The following H3-3B variants were observed in gnomAD, a reference collection of about 807,000 sequenced individuals.
H3-3B encodes histone H3.3.
Under a neutral mutation model 13.1 loss-of-function variants are expected in H3-3B, and 2 were observed. That is an observed-to-expected ratio of 0.15 (90% CI 0.06 to 0.48). The LOEUF is 0.48. Ranked by LOEUF, H3-3B falls within the 20% of genes least tolerant of loss-of-function variation. The pLI, the probability that H3-3B is intolerant of heterozygous loss-of-function variation, is 0.97. For synonymous variants in H3-3B, 133 were observed against 75.8 expected, an observed-to-expected ratio of 1.76 and a Z score of -3.92; for missense variants, 39 against 186.0, an observed-to-expected ratio of 0.21 and a Z score of 4.60.
rs1419025293 is a variant in H3-3B at position 75,779,202 on chromosome 17, A to C, written c.-10-18T>G. On this transcript the variant is annotated intron_variant, in intron 1 of 3. Coordinates refer to ENST00000254810, the MANE Select transcript of H3-3B (RefSeq NM_005324.5). ...TCTTTCACCTAAGAAAGACGCCCCG[A>C]AGATAAGGCCGCCGCGCTCACCCGG... The C allele has an allele frequency of 5.4e-6, 8 of 1,470,506 alleles. No individual in the cohort carries two copies. The highest frequency in any genetic ancestry group is 7.2e-6 in the Non-Finnish European group (8 of 1,110,822). The allele number at this position is 1,470,506 out of a possible 1,614,324, so 91.1% of individuals were successfully genotyped here.
chr17:75,776,451 A>C lies in H3-3B; in HGVS notation c.*2144T>G, dbSNP rs944964038. 2.6e-5 allele frequency: 4 copies of C among 152,166 alleles called. No individual in the cohort carries two copies. The highest frequency in any genetic ancestry group is 4.4e-5 in the Non-Finnish European group (3 of 68,036). 9.4% of individuals were successfully genotyped at this position (152,166 alleles called of 1,614,324 possible). A position where few individuals can be genotyped will look rare whatever the true frequency, so the allele number is the denominator to read the frequency against. ...AGAAAATCTTAACTTCAAAAATTTT[A>C]TTTTAGTCTCATCCATCAAGGGCAT... On this transcript the variant is annotated 3_prime_UTR_variant, in exon 4 of 4. Transcript: ENST00000254810.
At position 75,779,693 on chromosome 17, in the gene H3-3B, G is replaced by C. The variant is rs955837608; in HGVS notation, c.-47C>G. 6.4e-6 allele frequency: 1 copy of C among 157,320 alleles called. No homozygotes were observed. Among genetic ancestry groups the C allele is most frequent in the African/African-American group, 2.4e-5 (1 of 41,478 alleles). 9.7% of individuals were successfully genotyped at this position (157,320 alleles called of 1,614,324 possible). A position where few individuals can be genotyped will look rare whatever the true frequency, so the allele number is the denominator to read the frequency against. ...GTTTTAGGCCACTTCTCCGACCGCCGCGCCGCTTCCGCTGCCCGAGGAAGA... is the reference window on the plus strand; with the variant it reads ...GTTTTAGGCCACTTCTCCGACCGCCCCGCCGCTTCCGCTGCCCGAGGAAGA... On this transcript the variant is annotated 5_prime_UTR_variant, in exon 1 of 4. Coordinates refer to ENST00000254810, the MANE Select transcript of H3-3B (RefSeq NM_005324.5).
intron 1 of H3-3B, 48 bp from the exon 2 acceptor site, chr17:75,779,232 C>A: frequency 7.0e-7 from 1 of 1,426,580 alleles, no homozygotes; most frequent in Non-Finnish European, 9.2e-7. Flanking sequence ...ACCCGGGCCG[C>A]CCCCCAGGGC....
Position 75,778,659 on chromosome 17 carries a change from T to C in H3-3B, c.347A>G (p.Lys116Arg), listed in dbSNP as rs552409004. The change falls in exon 4 of 4, where the codon AAG becomes AGG. Residue 116 changes from lysine (K) to arginine (R), a missense_variant. Lys to Arg is a conservative substitution (Grantham distance 26). Coordinates refer to ENST00000254810, the MANE Select transcript of H3-3B (RefSeq NM_005324.5). ...EDTNLCAIHA[K>R]RVTIMPKDIQ... ...GTCTTTGGGCATGATGGTGACTCTC[T>C]TAGCGTGGATGGCACACAGGTTGGT... The C allele has an allele frequency of 1.2e-6, 2 of 1,614,232 alleles. No individual in the cohort carries two copies. The highest frequency in any genetic ancestry group is 1.7e-6 in the Non-Finnish European group (2 of 1,180,046).
rs557906001 is a variant in H3-3B, at chr17:75,777,058, C to T, written c.*1537G>A. ...ACTTTAAGCAGTTGCTAACTTCAAA[C>T]GTGGAACGCTTTGATGACTGCTGGC... On this transcript the variant is annotated 3_prime_UTR_variant, in exon 4 of 4. Transcript: ENST00000254810. 25 of 152,318 alleles carry T rather than the reference C, an allele frequency of 1.6e-4. No homozygotes were observed. The highest frequency in any genetic ancestry group is 6.2e-4 in the South Asian group (3 of 4,830). The allele number at this position is 152,318 out of a possible 1,614,324, so 9.4% of individuals were successfully genotyped here.
At position 75,777,675 on chromosome 17, in the gene H3-3B, T is replaced by C. The variant is rs932871613; in HGVS notation, c.*920A>G. The C allele has an allele frequency of 1.3e-5, 2 of 152,372 alleles. No individual in the cohort carries two copies. The highest frequency in any genetic ancestry group is 4.8e-5 in the African/African-American group (2 of 41,430). 9.4% of individuals were successfully genotyped at this position (152,372 alleles called of 1,614,324 possible). On this transcript the variant is annotated 3_prime_UTR_variant, in exon 4 of 4. Transcript: ENST00000254810. ...CCACACCAAGTTTTTATAATACAAA[T>C]GCCACAAGAAAAAGAACTTCGGTAC...
rs2061641500 is a variant in H3-3B, at chr17:75,777,089, T to C, written c.*1506A>G. 1 of 152,242 alleles carries C rather than the reference T, an allele frequency of 6.6e-6. No individual in the cohort carries two copies. The highest frequency in any genetic ancestry group is 6.5e-5 in the Admixed American group (1 of 15,280). 9.4% of individuals were successfully genotyped at this position (152,242 alleles called of 1,614,324 possible). A position where few individuals can be genotyped will look rare whatever the true frequency, so the allele number is the denominator to read the frequency against. On this transcript the variant is annotated 3_prime_UTR_variant, in exon 4 of 4. Coordinates refer to ENST00000254810, the MANE Select transcript of H3-3B (RefSeq NM_005324.5). Reference sequence around the variant, plus strand: ...ACGCTTTGATGACTGCTGGCTCTCATGCTGTCTCACTGACATCCACGTACT... The same window carrying C: ...ACGCTTTGATGACTGCTGGCTCTCACGCTGTCTCACTGACATCCACGTACT...
In H3-3B at chr17:75,778,376, C is replaced by T. The variant is rs2061649365; in HGVS notation, c.*219G>A. ...ATCATGAGAAGCAAGAAGTATCACC[C>T]ATCCCTTCTGCATATTAGCAACTTG... is the stretch of plus-strand genomic sequence containing the variant. On this transcript the variant is annotated 3_prime_UTR_variant, in exon 4 of 4. Coordinates refer to ENST00000254810, the MANE Select transcript of H3-3B (RefSeq NM_005324.5). The T allele has an allele frequency of 1.7e-6, 1 of 583,956 alleles. No individual in the cohort carries two copies. The highest frequency in any genetic ancestry group is 3.0e-6 in the Non-Finnish European group (1 of 336,178). The allele number at this position is 583,956 out of a possible 1,614,324, so 36.2% of individuals were successfully genotyped here.
In H3-3B at chr17:75,777,499, T is replaced by A. The variant is rs915822390; in HGVS notation, c.*1096A>T. On this transcript the variant is annotated 3_prime_UTR_variant, in exon 4 of 4. Transcript: ENST00000254810. ...TATTTGTAAATTTAGTCAACATACA[T>A]AATTGACCTAAAAACTTCAGTAAAT... 6.6e-6 allele frequency: 1 copy of A among 152,620 alleles called. No individual in the cohort carries two copies. The highest frequency in any genetic ancestry group is 2.4e-5 in the African/African-American group (1 of 41,464). 9.5% of individuals were successfully genotyped at this position (152,620 alleles called of 1,614,324 possible). A position where few individuals can be genotyped will look rare whatever the true frequency, so the allele number is the denominator to read the frequency against.
rs763519204 is a variant in H3-3B, at chr17:75,779,026, T to C, written c.128+21A>G. On this transcript the variant is annotated intron_variant, in intron 2 of 3. Coordinates refer to ENST00000254810, the MANE Select transcript of H3-3B (RefSeq NM_005324.5). ...CACAAAGCCGGCCACCGCCGGGCCATTGTTCCCCCGCCCGACCTACCTGTA... is the reference window on the plus strand; with the variant it reads ...CACAAAGCCGGCCACCGCCGGGCCACTGTTCCCCCGCCCGACCTACCTGTA... 32 of 1,609,738 alleles carry C rather than the reference T, an allele frequency of 2.0e-5. No homozygotes were observed. In the Middle Eastern group the frequency reaches 4.9e-4, roughly 25 times the overall value.
rs139372371 is a variant in H3-3B, at chr17:75,778,706, G to A, written c.300C>T (p.Tyr100=). 233 of 1,614,148 alleles carry A rather than the reference G, an allele frequency of 1.4e-4. No homozygotes were observed. Among genetic ancestry groups the A allele is most frequent in the Non-Finnish European group, 1.8e-4 (212 of 1,180,032 alleles). ...TGGTATCTTCGAACAGACCCACCAG[G>A]TACGCTTCGCTAGCCTCCTGTTGAG... ...IGALQEASEA[Y]LVGLFEDTNL... Residue 100 remains tyrosine (Y), a synonymous_variant, in exon 4 of 4, where the codon TAC becomes TAT. Coordinates refer to ENST00000254810, the MANE Select transcript of H3-3B (RefSeq NM_005324.5).
rs576527125 is a variant in H3-3B at position 75,779,316 on chromosome 17, A to G, written c.-10-132T>C. On this transcript the variant is annotated intron_variant, in intron 1 of 3. Transcript: ENST00000254810. ...CCCGCGCCCCACCTCGCGGCAGCAG[A>G]TGGCCGAGGGCCGCCAACCTCCTCC... The G allele has an allele frequency of 6.2e-3, 6,529 of 1,047,134 alleles. 50 individuals are homozygous for G. Among genetic ancestry groups the G allele is most frequent in the Non-Finnish European group, 6.8e-3 (5,455 of 802,348 alleles). The allele number at this position is 1,047,134 out of a possible 1,614,324, so 64.9% of individuals were successfully genotyped here.
Position 75,776,457 on chromosome 17 carries a change from G to A in H3-3B, c.*2138C>T, listed in dbSNP as rs2061637659. The stretch of plus-strand genomic sequence containing the variant: ...TCTTAACTTCAAAAATTTTATTTTA[G>A]TCTCATCCATCAAGGGCATAGGATA... On this transcript the variant is annotated 3_prime_UTR_variant, in exon 4 of 4. Transcript: ENST00000254810. The A allele has an allele frequency of 6.6e-6, 1 of 152,106 alleles. No individual in the cohort carries two copies. Among genetic ancestry groups the A allele is most frequent in the Non-Finnish European group, 1.5e-5 (1 of 68,016 alleles). 9.4% of individuals were successfully genotyped at this position (152,106 alleles called of 1,614,324 possible).
Position 75,778,982 on chromosome 17 carries a change from G to T in H3-3B, c.129-19C>A, listed in dbSNP as rs764152280. On this transcript the variant is annotated intron_variant, in intron 2 of 3. Coordinates refer to ENST00000254810, the MANE Select transcript of H3-3B (RefSeq NM_005324.5). The stretch of plus-strand genomic sequence containing the variant: ...CCCGGGCCTGCAGCGAGCAGGGGAG[G>T]AGTGAGCGGACGCTGCCGCACAAAG... 4 of 1,613,800 alleles carry T rather than the reference G, an allele frequency of 2.5e-6. No individual in the cohort carries two copies. Among genetic ancestry groups the T allele is most frequent in the Middle Eastern group, 1.6e-4 (1 of 6,084 alleles).
In H3-3B at chr17:75,778,589, C is replaced by T. The variant is rs748559822; in HGVS notation, c.*6G>A. On this transcript the variant is annotated 3_prime_UTR_variant, in exon 4 of 4. Coordinates refer to ENST00000254810, the MANE Select transcript of H3-3B (RefSeq NM_005324.5). Reference sequence around the variant, plus strand: ...TACTACAAAACGCCATAAAAACTGCCTTCACTTAAGCTCTCTCTCCCCGTA... The same window carrying T: ...TACTACAAAACGCCATAAAAACTGCTTTCACTTAAGCTCTCTCTCCCCGTA... The T allele has an allele frequency of 6.2e-7, 1 of 1,607,482 alleles. No individual in the cohort carries two copies. The highest frequency in any genetic ancestry group is 1.1e-5 in the South Asian group (1 of 89,620).
rs776937727 is a variant in H3-3B, at chr17:75,778,843, C to T, written c.249G>A (p.Leu83=). 2.5e-6 allele frequency: 4 copies of T among 1,614,088 alleles called. No homozygotes were observed. Among genetic ancestry groups the T allele is most frequent in the African/African-American group, 2.7e-5 (2 of 74,934 alleles). The change falls in exon 3 of 4, where the codon CTG becomes CTA. Residue 83 remains leucine (L), a synonymous_variant. Coordinates refer to ENST00000254810, the MANE Select transcript of H3-3B (RefSeq NM_005324.5). ...REIAQDFKTD[L]RFQSAAIGAL... The stretch of plus-strand genomic sequence containing the variant: ...CACCGATGGCTGCGCTCTGAAACCT[C>T]AGGTCGGTTTTGAAATCCTGCGCGA...
rs1254253039 is a variant in H3-3B, at chr17:75,777,760, T to C, written c.*835A>G. On this transcript the variant is annotated 3_prime_UTR_variant, in exon 4 of 4. Coordinates refer to ENST00000254810, the MANE Select transcript of H3-3B (RefSeq NM_005324.5). ...TTATGAGACCAACCACACAACACAA[T>C]GAAAAGCTGCACTAACTAGTTCAGA... 3 of 152,482 alleles carry C rather than the reference T, an allele frequency of 2.0e-5. No individual in the cohort carries two copies. The highest frequency in any genetic ancestry group is 2.1e-4 in the South Asian group (1 of 4,834). 9.4% of individuals were successfully genotyped at this position (152,482 alleles called of 1,614,324 possible).
In H3-3B at chr17:75,777,394, A is replaced by G. The variant is rs2061643583; in HGVS notation, c.*1201T>C. On this transcript the variant is annotated 3_prime_UTR_variant, in exon 4 of 4. Coordinates refer to ENST00000254810, the MANE Select transcript of H3-3B (RefSeq NM_005324.5). ...TGATCTAAGTTCAAAACATTAGTAT[A>G]CAAGGACCTAGATAATGGGACATGT... The G allele has an allele frequency of 6.5e-6, 1 of 152,686 alleles. No individual in the cohort carries two copies. Among genetic ancestry groups the G allele is most frequent in the South Asian group, 2.1e-4 (1 of 4,836 alleles). 9.5% of individuals were successfully genotyped at this position (152,686 alleles called of 1,614,324 possible).
chr17:75,779,421 C>G (rs531085486), intron 1 of H3-3B: 2 of 349,702 alleles, frequency 5.7e-6, no homozygotes, highest in Non-Finnish European at 5.1e-6. Context: ...ACTTCCCTTC[C>G]TCGACGGGCG....
Sources: allele counts gnomAD v4.1 joint callset, GRCh38; gene constraint gnomAD v4.1.1; transcripts MANE v1.5; gene names NCBI Gene and HGNC (gene_info 2026-07-23, HGNC 2026-07-21).